MKI67: variants seen among roughly 807,000 people sequenced by gnomAD.
The protein encoded by MKI67 is proliferation marker protein Ki-67.
A neutral mutation model predicts 233.5 loss-of-function variants in MKI67; 152 were observed. That is an observed-to-expected ratio of 0.65 (90% CI 0.57 to 0.74). MKI67 has a LOEUF of 0.74. MKI67 is among the 30% of genes least tolerant of loss of function. The probability of loss-of-function intolerance (pLI) is 0.00; values close to 1 mark genes in which losing one functional copy is unlikely to be tolerated. For synonymous variants in MKI67, 1,465 were observed against 1,418.5 expected (o/e 1.03, Z -0.74); for missense variants, 3,940 against 3,885.2 (o/e 1.01, Z -0.37).
chr10:128,108,277 T>A lies in MKI67; in HGVS notation c.3563A>T (p.Lys1188Ile). 3.1e-6 allele frequency: 5 copies of A among 1,613,446 alleles called. No individual in the cohort carries two copies. The highest frequency in any genetic ancestry group is 4.2e-6 in the Non-Finnish European group (5 of 1,179,846). ...KPAGGDEKDI[K>I]AFMGTPVQKL... ...CTGCACTGGAGTTCCCATAAATGCTTTAATGTCTTTCTCATCACCTCCTGC... is the reference window on the plus strand; with the variant it reads ...CTGCACTGGAGTTCCCATAAATGCTATAATGTCTTTCTCATCACCTCCTGC... The change falls in exon 13 of 15, where the codon AAA (lysine) becomes ATA (isoleucine). Residue 1188 changes from lysine (K) to isoleucine (I), a missense_variant. Coordinates refer to ENST00000368654, the MANE Select transcript of MKI67 (RefSeq NM_002417.5).
chr10:128,097,100 C>A lies in MKI67; in HGVS notation c.*2090G>T, dbSNP rs1435102138. 1 of 152,166 alleles carries A rather than the reference C, an allele frequency of 6.6e-6. No individual in the cohort carries two copies. The highest frequency in any genetic ancestry group is 1.5e-5 in the Non-Finnish European group (1 of 68,054). 9.4% of individuals were successfully genotyped at this position (152,166 alleles called of 1,614,324 possible). A position where few individuals can be genotyped will look rare whatever the true frequency, so the allele number is the denominator to read the frequency against. On this transcript the variant is annotated 3_prime_UTR_variant, in exon 15 of 15. Coordinates refer to ENST00000368654, the MANE Select transcript of MKI67 (RefSeq NM_002417.5). The stretch of plus-strand genomic sequence containing the variant: ...AGAGAGGCTGGGGGACCAGATCCCA[C>A]AGGCCCTGGGAGGCGAAAAAGTAAA...
chr10:128,114,944 G>A lies in MKI67; in HGVS notation c.1464C>T (p.Asn488=), dbSNP rs528994500. Residue 488 remains asparagine, a synonymous_variant, in exon 7 of 15, where the codon AAC becomes AAT. Transcript: ENST00000368654. ...TAAACTTACTAATGGAATCACCAAA[G>A]TTGTTGATATCAACTGAACTAAGAC... The part of the protein sequence containing the change: ...LPGLSSVDIN[N]FGDSINESEG... 1 of 1,555,482 alleles carries A rather than the reference G, an allele frequency of 6.4e-7. No individual in the cohort carries two copies. The highest frequency in any genetic ancestry group is 1.2e-5 in the South Asian group (1 of 83,540).
chr10:128,108,315 A>G lies in MKI67; in HGVS notation c.3525T>C (p.Leu1175=), dbSNP rs373082214. Residue 1175 remains leucine (L), a synonymous_variant, in exon 13 of 15, where the codon CTT becomes CTC. Coordinates refer to ENST00000368654, the MANE Select transcript of MKI67 (RefSeq NM_002417.5). ...KLTPSAGKAM[L]TPKPAGGDEK... ...CATCACCTCCTGCTGGTTTGGGCGT[A>G]AGCATGGCTTTCCCTGCTGATGGTG... is the stretch of plus-strand genomic sequence containing the variant. The G allele has an allele frequency of 1.5e-5, 24 of 1,612,666 alleles. No individual in the cohort carries two copies. The highest frequency in any genetic ancestry group is 1.9e-5 in the Non-Finnish European group (23 of 1,179,622).
chr10:128,111,533 T>TG, intron 11 of MKI67, 112 bp downstream of exon 11: 14 of 999,034 alleles, frequency 1.4e-5, no homozygotes, highest in South Asian at 1.8e-5. Context: ...GATTGAGTCG[T>TG]TTATTTTATA....
intron 11 of MKI67, 78 bp downstream of exon 11, chr10:128,111,567 A>G: frequency 7.8e-7 from 1 of 1,274,434 alleles, no homozygotes; most frequent in East Asian, 2.4e-5. Context: ...CAGATAAACA[A>G]AGTTAGCAAA....
In MKI67 at chr10:128,107,810, C is replaced by T; in HGVS notation, c.4030G>A (p.Glu1344Lys). The T allele has an allele frequency of 6.2e-7, 1 of 1,613,928 alleles. No individual in the cohort carries two copies. The highest frequency in any genetic ancestry group is 1.7e-4 in the Middle Eastern group (1 of 6,060). Residue 1344 changes from glutamate to lysine, a missense_variant, in exon 13 of 15, where the codon GAA (glutamate) becomes AAA (lysine). Glu to Lys is a moderately conservative substitution (Grantham distance 56). Coordinates refer to ENST00000368654, the MANE Select transcript of MKI67 (RefSeq NM_002417.5). ...QTPKEEAQAL[E>K]DLTGFKELFQ... is the part of the protein sequence containing the mutation. Reference sequence around the variant, plus strand: ...AGCTCTTTAAAGCCAGTCAGGTCTTCCAGAGCCTGGGCCTCTTCCTTAGGA... The same window carrying T: ...AGCTCTTTAAAGCCAGTCAGGTCTTTCAGAGCCTGGGCCTCTTCCTTAGGA...
rs138290114 is a variant in MKI67, at chr10:128,104,301, T to C, written c.7539A>G (p.Thr2513=). 1.3e-4 allele frequency: 204 copies of C among 1,614,172 alleles called. No individual in the cohort carries two copies. Among genetic ancestry groups the C allele is most frequent in the Non-Finnish European group, 1.7e-4 (200 of 1,180,020 alleles). Residue 2513 remains threonine (T), a synonymous_variant, in exon 13 of 15, where the codon ACA becomes ACG. Transcript: ENST00000368654. ...RTSGETTQTH[T]EPTGDSKSIK... is the part of the protein sequence containing the mutation. Reference sequence around the variant, plus strand: ...TGCTCTTACTATCTCCTGTTGGCTCTGTGTGTGTTTGCGTAGTCTCCCCTG... The same window carrying C: ...TGCTCTTACTATCTCCTGTTGGCTCCGTGTGTGTTTGCGTAGTCTCCCCTG...
chr10:128,107,874 C>G lies in MKI67; in HGVS notation c.3966G>C (p.Leu1322=). The change falls in exon 13 of 15, where the codon CTG becomes CTC. Residue 1322 remains leucine, a synonymous_variant. Coordinates refer to ENST00000368654, the MANE Select transcript of MKI67 (RefSeq NM_002417.5). ...TCTTGCTGCCGGTTAAGTTCTCTGT[C>G]AGGTCCAGTTTCTGCACTGGAGTTC... ...FVGTPVQKLD[L]TENLTGSKRR... is the part of the protein sequence containing the mutation. 1 of 1,612,862 alleles carries G rather than the reference C, an allele frequency of 6.2e-7. No homozygotes were observed. Among genetic ancestry groups the G allele is most frequent in the Non-Finnish European group, 8.5e-7 (1 of 1,179,774 alleles).
Position 128,116,555 on chromosome 10 carries a change from A to C in MKI67, c.355-19T>G. On this transcript the variant is annotated intron_variant, in intron 5 of 14. Transcript: ENST00000368654. ...CTGGCTCCTGTAAGTTGGGAAAATA[A>C]GAACAGTTATTTGCAGGTCTTTCTA... The C allele has an allele frequency of 1.2e-6, 2 of 1,608,760 alleles. No individual in the cohort carries two copies. Among genetic ancestry groups the C allele is most frequent in the Non-Finnish European group, 1.7e-6 (2 of 1,175,100 alleles).
intron 12 of MKI67, 78 bp downstream of exon 12, chr10:128,110,300 A>C: frequency 3.4e-6 from 4 of 1,187,372 alleles, no homozygotes; most frequent in Non-Finnish European, 4.6e-6. Context: ...GAGAAGTAAT[A>C]TCATACTGCT....
In MKI67 at chr10:128,102,642, G is replaced by A. The variant is rs1304702342; in HGVS notation, c.9198C>T (p.Asn3066=). Residue 3066 remains asparagine, a synonymous_variant, in exon 13 of 15, where the codon AAC becomes AAT. Coordinates refer to ENST00000368654, the MANE Select transcript of MKI67 (RefSeq NM_002417.5). ...AKRIEPAEEL[N]SNDMKTNKEE... is the part of the protein sequence containing the mutation. ...CTTTGTTGGTTTTCATGTCGTTGCT[G>A]TTCAGCTCTTCCGCAGGTTCAATTC... The A allele has an allele frequency of 1.2e-6, 2 of 1,614,202 alleles. No homozygotes were observed. The highest frequency in any genetic ancestry group is 2.2e-5 in the East Asian group (1 of 44,884).
intron 4 of MKI67, among the ~76,000 whole-genome samples, chr10:128,121,534 TTATATTATAATTATATATGATTATA>T (rs1565015805): frequency 7.3e-6 from 1 of 137,090 alleles, no homozygotes; most frequent in Admixed American, 7.9e-5. Context: ...ATATTATATA[TTATATTATAATTATATATGATTATA>T]TATAATATAT....
chr10:128,122,944 A>G lies in MKI67; in HGVS notation c.224T>C (p.Val75Ala). 1 of 1,609,368 alleles carries G rather than the reference A, an allele frequency of 6.2e-7. No individual in the cohort carries two copies. Among genetic ancestry groups the G allele is most frequent in the Non-Finnish European group, 8.5e-7 (1 of 1,176,500 alleles). Residue 75 changes from valine to alanine, a missense_variant, in exon 4 of 15, where the codon GTT (valine) becomes GCT (alanine). By Grantham distance (64) the Val-to-Ala change is moderately conservative. Coordinates refer to ENST00000368654, the MANE Select transcript of MKI67 (RefSeq NM_002417.5). ...TTTTAGCCGTACAGGCTCATCAATA[A>G]CAGACCCATTTACTTGTGTTGGATT... ...STNPTQVNGS[V>A]IDEPVRLKHG...
chr10:128,123,523 C>T (rs928071550), intron 2 of MKI67, among the ~76,000 whole-genome samples: 1 of 152,050 alleles, frequency 6.6e-6, no homozygotes, highest in African/African-American at 2.4e-5. Context: ...TTTTCAAAAA[C>T]GTTTGTTTGT....
chr10:128,124,423 C>T (rs753732843), intron 2 of MKI67, among the ~76,000 whole-genome samples: 1 of 152,150 alleles, frequency 6.6e-6, no homozygotes, highest in Non-Finnish European at 1.5e-5. Flanking sequence ...CTCTCCTCCG[C>T]GATGACAGCG....
rs1314326789 is a variant in MKI67 at position 128,112,236 on chromosome 10, G to C, written c.1866C>G (p.Gly622=). ...EVPKRGGRKS[G]NLPSKRVSIS... is the part of the protein sequence containing the mutation. ...TAGACACTCTCTTTGAAGGCAGGTT[G>C]CCACTCTTTCTCCCTCCTCTCTTAG... The change falls in exon 9 of 15, where the codon GGC becomes GGG. Residue 622 remains glycine (G), a synonymous_variant. Transcript: ENST00000368654. 1 of 1,614,138 alleles carries C rather than the reference G, an allele frequency of 6.2e-7. No homozygotes were observed. Among genetic ancestry groups the C allele is most frequent in the Admixed American group, 1.7e-5 (1 of 60,018 alleles).
At position 128,107,196 on chromosome 10, in the gene MKI67, C is replaced by T; in HGVS notation, c.4644G>A (p.Glu1548=). The change falls in exon 13 of 15, where the codon GAG becomes GAA. Residue 1548 remains glutamate (E), a synonymous_variant. Coordinates refer to ENST00000368654, the MANE Select transcript of MKI67 (RefSeq NM_002417.5). ...TTCCCATAAATGCGTAGATGTTTTT[C>T]TCACCACTTACTGCTGGTTTGGGTG... ...MHTPKPAVSG[E]KNIYAFMGTP... is the part of the protein sequence containing the mutation. 4 of 1,614,110 alleles carry T rather than the reference C, an allele frequency of 2.5e-6. No homozygotes were observed. The highest frequency in any genetic ancestry group is 2.5e-6 in the Non-Finnish European group (3 of 1,180,034).
chr10:128,121,536 A>ATAATG (rs1215486870), intron 4 of MKI67, among the ~76,000 whole-genome samples: 1 of 138,038 alleles, frequency 7.2e-6, no homozygotes, highest in Admixed American at 7.8e-5. Flanking sequence ...ATTATATATT[A>ATAATG]TATTATAATT....
chr10:128,114,385 C>T (rs762829953), intron 7 of MKI67, among the ~76,000 whole-genome samples: 41 of 152,176 alleles, frequency 2.7e-4, no homozygotes, highest in Non-Finnish European at 5.1e-4. Context: ...AACCTAGCCA[C>T]GGGCACTGCT....
Sources: gnomAD v4.1 joint callset for allele counts (sites outside exome capture counted in the v4.1 genomes callset) on GRCh38, gnomAD v4.1.1 for gene constraint, MANE v1.5 for transcripts, NCBI Gene and HGNC (gene_info 2026-07-23, HGNC 2026-07-21) for gene names.